Variants in UBTD2 observed in about 807,000 individuals in gnomAD.
UBTD2 encodes ubiquitin domain-containing protein 2.
In UBTD2, 9 loss-of-function variants were observed where a neutral mutation model predicts 19.8. The ratio of observed to expected loss-of-function variants is 0.46; its 90% CI spans 0.27 to 0.79. The LOEUF (loss-of-function observed/expected upper bound fraction) is 0.79, where lower values mean the gene tolerates loss of function less well. Among genes scored for constraint, UBTD2 ranks in the 30% least tolerant of loss-of-function variants. UBTD2 has a pLI of 0.14. For missense variants in UBTD2, 250 were observed against 300.4 expected (o/e 0.83, Z 1.24); for synonymous variants, 98 against 103.9 (o/e 0.94, Z 0.35).
chr5:172,272,819 G>GC (rs1408393690), intron 1 of UBTD2, among the ~76,000 whole-genome samples: 1 of 152,082 alleles, frequency 6.6e-6, no homozygotes, highest in Non-Finnish European at 1.5e-5. Context: ...GGTCGCTCAC[G>GC]CCTGTAATCC....
intron 2 of UBTD2, among the ~76,000 whole-genome samples, chr5:172,231,646 T>A (rs2113890747): frequency 6.6e-6 from 1 of 152,326 alleles, no homozygotes; most frequent in East Asian, 1.9e-4. Flanking sequence ...TTCCAGTAGG[T>A]AATTATAAGT....
chr5:172,246,378 CAATCATATCAGTCACTATATGATCT>C (rs1754882644), intron 1 of UBTD2, among the ~76,000 whole-genome samples: 1 of 150,360 alleles, frequency 6.7e-6, no homozygotes, highest in Non-Finnish European at 1.5e-5. Flanking sequence ...GACCTAAATC[CAATCATATCAGTCACTATATGATCT>C]AAACAAACCA....
chr5:172,243,016 C>T (rs1378147028), intron 1 of UBTD2, among the ~76,000 whole-genome samples: 1 of 151,974 alleles, frequency 6.6e-6, no homozygotes, highest in African/African-American at 2.4e-5. Flanking sequence ...TTTGTAGAGA[C>T]AGGGTCTCAC....
chr5:172,221,510 TAATAA>T (rs1771650213), intron 2 of UBTD2, among the ~76,000 whole-genome samples: 1 of 151,958 alleles, frequency 6.6e-6, no homozygotes, highest in South Asian at 2.1e-4. Context: ...TATAAATAAA[TAATAA>T]AATAAATAAG....
At chr5:172,265,255 T>C (rs67758456) in intron 1 of UBTD2, among the ~76,000 whole-genome samples, 11,350 of 152,276 alleles carry the variant, frequency 0.075, 455 homozygotes, top group South Asian at 0.12. Flanking sequence ...CTAAAGATAA[T>C]AGGCTTCTGT....
intron 1 of UBTD2, among the ~76,000 whole-genome samples, chr5:172,278,833 G>A (rs1755657707): frequency 6.6e-6 from 1 of 152,078 alleles, no homozygotes; most frequent in Non-Finnish European, 1.5e-5. Context: ...GGAGTGCAAT[G>A]GCGTGATCCT....
chr5:172,256,076 C>T (rs55962035), intron 1 of UBTD2, among the ~76,000 whole-genome samples: 48,992 of 151,670 alleles, frequency 0.32, 7,985 homozygotes, highest in South Asian at 0.42. Flanking sequence ...GCAATAAAAG[C>T]CAAACTCTGT....
chr5:172,261,688 G>A (rs998417269), intron 1 of UBTD2, among the ~76,000 whole-genome samples: 25 of 151,768 alleles, frequency 1.6e-4, no homozygotes, highest in African/African-American at 4.6e-4. Flanking sequence ...GTAGTGGCAC[G>A]ATCTCGGCTC....
At chr5:172,248,361 G>A (rs974685247) in intron 1 of UBTD2, among the ~76,000 whole-genome samples, 2 of 152,124 alleles carry the variant, frequency 1.3e-5, no homozygotes, top group East Asian at 1.9e-4. Context: ...AGGCCAAGGC[G>A]GGCAGATCAT....
chr5:172,216,294 A>G (rs1771541609), intron 2 of UBTD2, among the ~76,000 whole-genome samples: 1 of 152,154 alleles, frequency 6.6e-6, no homozygotes, highest in Non-Finnish European at 1.5e-5. Context: ...AAAGTGTAAC[A>G]TACACATGAT....
chr5:172,251,467 A>G (rs1755017986), intron 1 of UBTD2, among the ~76,000 whole-genome samples: 2 of 58,708 alleles, frequency 3.4e-5, no homozygotes, highest in Non-Finnish European at 6.8e-5. Context: ...AAACTGTCCA[A>G]AAAAAAAAAA....
At chr5:172,264,887 C>G (rs774786878) in intron 1 of UBTD2, among the ~76,000 whole-genome samples, 2 of 151,924 alleles carry the variant, frequency 1.3e-5, no homozygotes, top group Non-Finnish European at 2.9e-5. Flanking sequence ...AAAAAAAACA[C>G]AAACAAATGA....
At chr5:172,213,576 G>T (rs1243973935) in intron 2 of UBTD2, among the ~76,000 whole-genome samples, 1 of 152,086 alleles carries the variant, frequency 6.6e-6, no homozygotes, top group African/African-American at 2.4e-5. Context: ...TGCATTAATG[G>T]TTAACTTCCT....
chr5:172,276,003 C>A (rs548771156), intron 1 of UBTD2, among the ~76,000 whole-genome samples: 2 of 152,256 alleles, frequency 1.3e-5, no homozygotes, highest in East Asian at 3.9e-4. Context: ...TAGTCTCTTC[C>A]CACTTTAGGC....
At chr5:172,279,442 TA>T (rs1193056147) in intron 1 of UBTD2, among the ~76,000 whole-genome samples, 1 of 152,208 alleles carries the variant, frequency 6.6e-6, no homozygotes, top group East Asian at 1.9e-4. Flanking sequence ...TATAAATGGG[TA>T]TCTGAAAGAA....
intron 2 of UBTD2, among the ~76,000 whole-genome samples, chr5:172,231,065 A>G (rs981088153): frequency 6.6e-6 from 1 of 152,144 alleles, no homozygotes; most frequent in Non-Finnish European, 1.5e-5. Context: ...TTACAGGCGT[A>G]AGCCACTGCA....
chr5:172,217,149 T>C (rs1313325927), intron 2 of UBTD2, among the ~76,000 whole-genome samples: 1 of 151,842 alleles, frequency 6.6e-6, no homozygotes, highest in Non-Finnish European at 1.5e-5. Flanking sequence ...TGGTGGCTTA[T>C]GCCTACAATC....
chr5:172,262,587 G>A (rs1290935700), intron 1 of UBTD2, among the ~76,000 whole-genome samples: 7 of 151,936 alleles, frequency 4.6e-5, no homozygotes, highest in Admixed American at 3.9e-4. Flanking sequence ...CGAGGTAGAC[G>A]GATCACTTGA....
At chr5:172,275,711 A>G (rs944624386) in intron 1 of UBTD2, among the ~76,000 whole-genome samples, 2 of 152,108 alleles carry the variant, frequency 1.3e-5, no homozygotes, top group African/African-American at 4.8e-5. Context: ...TCATAGCCCT[A>G]AGCATCTAGG....
Sources: allele counts gnomAD v4.1 joint callset (sites outside exome capture counted in the v4.1 genomes callset), GRCh38; gene constraint gnomAD v4.1.1; transcripts MANE v1.5; gene names NCBI Gene and HGNC (gene_info 2026-07-23, HGNC 2026-07-21).